The following EGFR variants were observed in gnomAD, a reference collection of about 807,000 sequenced individuals.
EGFR encodes avian erythroblastic leukemia viral (v-erb-b) oncogene homolog.
Under a neutral mutation model 143.0 loss-of-function variants are expected in EGFR, and 58 were observed. The observed-to-expected ratio is 0.41, with a 90% confidence interval of 0.33 to 0.50. The LOEUF (loss-of-function observed/expected upper bound fraction) is 0.50, where lower values mean the gene tolerates loss of function less well. Ranked by LOEUF, EGFR falls within the 20% of genes least tolerant of loss-of-function variation. The probability of loss-of-function intolerance (pLI) is 0.39; values close to 1 mark genes in which losing one functional copy is unlikely to be tolerated. For missense variants in EGFR, 1,307 were observed against 1,579.0 expected (o/e 0.83, Z 2.92); for synonymous variants, 613 against 594.4 (o/e 1.03, Z -0.45).
Position 55,107,248 on chromosome 7 carries a change from T to G in EGFR, c.89-35038T>G, listed in dbSNP as rs149400233. On this transcript the variant is annotated intron_variant, in intron 1 of 27. Transcript: ENST00000275493. ...TTTCCCTCCCCAGTTTTTTTCTTCC[T>G]GATAGTAGGTGTGTACTTTTTTCCT... Among the ~76,000 whole-genome samples the G allele has an allele frequency of 1.5e-3, 230 of 152,328 alleles. 1 individual carries two copies. The highest frequency in any genetic ancestry group is 5.4e-3 in the African/African-American group (224 of 41,572).
chr7:55,123,557 T>C (rs569868475), intron 1 of EGFR, among the ~76,000 whole-genome samples: 1 of 152,170 alleles, frequency 6.6e-6, no homozygotes, highest in Non-Finnish European at 1.5e-5. Context: ...GTGAAATATC[T>C]TCAGAGTCTA....
intron 15 of EGFR, among the ~76,000 whole-genome samples, chr7:55,170,107 A>G (rs995204833): frequency 6.6e-6 from 1 of 152,198 alleles, no homozygotes; most frequent in Non-Finnish European, 1.5e-5. Flanking sequence ...AACTAAGCTC[A>G]AAAGCACCAC....
intron 1 of EGFR, among the ~76,000 whole-genome samples, chr7:55,096,994 C>T (rs536922508): frequency 3.9e-5 from 6 of 152,294 alleles, no homozygotes; most frequent in South Asian, 2.1e-4. Context: ...ACACGCATAT[C>T]CCTGGCTCCC....
intron 1 of EGFR, among the ~76,000 whole-genome samples, chr7:55,069,437 C>T (rs1216332039): frequency 6.6e-6 from 1 of 152,170 alleles, no homozygotes; most frequent in African/African-American, 2.4e-5. Flanking sequence ...CAAGGTCATG[C>T]TTAAAAAGAC....
At chr7:55,192,726 C>A in intron 21 of EGFR, 40 bp from the exon 22 acceptor site, 1 of 1,578,068 alleles carries the variant, frequency 6.3e-7, no homozygotes, top group Non-Finnish European at 8.7e-7. Flanking sequence ...CAGAGGGAAA[C>A]TAATAGTTGT....
At chr7:55,192,012 T>C in intron 21 of EGFR, 138 bp downstream of exon 21, 3 of 1,333,682 alleles carry the variant, frequency 2.2e-6, no homozygotes, top group African/African-American at 2.9e-5. Context: ...CAGCTGCTGC[T>C]GGCAGCTGGG....
chr7:55,112,212 C>T (rs918798122), intron 1 of EGFR, among the ~76,000 whole-genome samples: 2 of 152,330 alleles, frequency 1.3e-5, no homozygotes, highest in East Asian at 1.9e-4. Context: ...CTCATTGTGA[C>T]TCACTTTGAT....
chr7:55,161,387 G>T, intron 12 of EGFR, 112 bp from the exon 13 acceptor site: 2 of 1,411,240 alleles, frequency 1.4e-6, no homozygotes, highest in Non-Finnish European at 1.9e-6. Flanking sequence ...CAGCATGTCT[G>T]TGTCACCCAA....
chr7:55,124,274 T>C (rs1793388831), intron 1 of EGFR, among the ~76,000 whole-genome samples: 1 of 152,218 alleles, frequency 6.6e-6, no homozygotes, highest in South Asian at 2.1e-4. Flanking sequence ...GTTTTATTGA[T>C]ATGAGTATAT....
chr7:55,142,500 G>A (rs1389387823), intron 2 of EGFR, 63 bp downstream of exon 2: 1 of 1,591,278 alleles, frequency 6.3e-7, no homozygotes, highest in African/African-American at 1.3e-5. Context: ...AGAAAGGCCT[G>A]GGCAGAATTC....
chr7:55,053,711 G>C (rs1187750470), intron 1 of EGFR, among the ~76,000 whole-genome samples: 1 of 152,232 alleles, frequency 6.6e-6, no homozygotes, highest in Non-Finnish European at 1.5e-5. Flanking sequence ...CCCTTGCCGG[G>C]CCAGGCCCGC....
chr7:55,181,195 A>G (rs2128957984), intron 19 of EGFR, 98 bp from the exon 20 acceptor site: 1 of 1,415,734 alleles, frequency 7.1e-7, no homozygotes, highest in Admixed American at 1.7e-5. Context: ...TTTGAAACTC[A>G]AGATCGCATT....
At chr7:55,036,940 C>T (rs1787618865) in intron 1 of EGFR, among the ~76,000 whole-genome samples, 1 of 152,170 alleles carries the variant, frequency 6.6e-6, no homozygotes, top group African/African-American at 2.4e-5. Context: ...TGTCAGGCTT[C>T]TGTGGAGCCA....
At chr7:55,080,261 A>G (rs1790386244) in intron 1 of EGFR, among the ~76,000 whole-genome samples, 1 of 152,028 alleles carries the variant, frequency 6.6e-6, no homozygotes, top group Non-Finnish European at 1.5e-5. Context: ...CAATGTCAAG[A>G]CTTAATAGTT....
At chr7:55,122,767 T>C (rs1490504130) in intron 1 of EGFR, among the ~76,000 whole-genome samples, 5 of 152,198 alleles carry the variant, frequency 3.3e-5, no homozygotes, top group Non-Finnish European at 7.3e-5. Context: ...CCTCATCCTC[T>C]CTTAGCTGAA....
rs1354541861 is a variant in EGFR, at chr7:55,173,938, A to C, written c.2079A>C (p.Thr693=). The C allele has an allele frequency of 1.9e-6, 3 of 1,614,148 alleles. No individual in the cohort carries two copies. The Admixed American group carries it at 5.0e-5, about 27-fold the overall frequency. ...LQERELVEPL[T]PSGEAPNQAL... is the part of the protein sequence containing the mutation. ...CCCCCCAGCTTGTGGAGCCTCTTAC[A>C]CCCAGTGGAGAAGCTCCCAACCAAG... The change falls in exon 18 of 28, where the codon ACA becomes ACC. Residue 693 remains threonine (T), a synonymous_variant. Transcript: ENST00000275493.
intron 1 of EGFR, among the ~76,000 whole-genome samples, chr7:55,038,529 G>A (rs1157924107): frequency 6.6e-6 from 1 of 152,198 alleles, no homozygotes; most frequent in Non-Finnish European, 1.5e-5. Flanking sequence ...CTGCCCTCAG[G>A]TTAATAGGCA....
chr7:55,048,984 T>G (rs1788333108), intron 1 of EGFR, among the ~76,000 whole-genome samples: 1 of 152,148 alleles, frequency 6.6e-6, no homozygotes, highest in African/African-American at 2.4e-5. Context: ...GTGGGTGCAC[T>G]TCAATAACTG....
chr7:55,048,711 G>A (rs1788317444), intron 1 of EGFR, among the ~76,000 whole-genome samples: 1 of 152,204 alleles, frequency 6.6e-6, no homozygotes, highest in Non-Finnish European at 1.5e-5. Context: ...AACATTGAAT[G>A]AGAGAGTGCT....
Sources: gnomAD v4.1 joint callset for allele counts (sites outside exome capture counted in the v4.1 genomes callset) on GRCh38, gnomAD v4.1.1 for gene constraint, MANE v1.5 for transcripts, NCBI Gene and HGNC (gene_info 2026-07-23, HGNC 2026-07-21) for gene names.